Variants in LINGO2 observed in about 807,000 individuals in gnomAD.
LINGO2 encodes the protein leucine rich repeat and Ig domain containing 2, also known as leucine-rich repeat and immunoglobulin-like domain-containing nogo receptor-interacting protein 2.
Under a neutral mutation model 30.6 loss-of-function variants are expected in LINGO2, and 14 were observed. The ratio of observed to expected loss-of-function variants is 0.46; its 90% CI spans 0.30 to 0.72. LINGO2 has a LOEUF of 0.72. LINGO2 is among the 30% of genes least tolerant of loss of function. The pLI is 0.07. For missense variants in LINGO2, 729 were observed against 751.7 expected (o/e 0.97, Z 0.35); for synonymous variants, 317 against 288.5 (o/e 1.10, Z -1.00).
At chr9:28,746,198 A>G in the LINGO2 span, among the ~76,000 whole-genome samples, 1 of 152,024 alleles carries the variant, frequency 6.6e-6, no homozygotes, top group Non-Finnish European at 1.5e-5. Flanking sequence ...CATCTCTTCA[A>G]TAATCATGCT....
intron 4 of LINGO2, among the ~76,000 whole-genome samples, chr9:28,171,465 C>A (rs1828579495): frequency 6.6e-6 from 1 of 152,092 alleles, no homozygotes. Flanking sequence ...ACTAAAACCC[C>A]ATCAAACTGG....
the LINGO2 span, among the ~76,000 whole-genome samples, chr9:28,862,339 G>T: frequency 0.045 from 6,699 of 149,378 alleles, 478 homozygotes; most frequent in African/African-American, 0.15. Context: ...TTGTATCATA[G>T]TTCAAATTAA....
chr9:29,167,213 C>T, the LINGO2 span, among the ~76,000 whole-genome samples: 1 of 152,044 alleles, frequency 6.6e-6, no homozygotes. Flanking sequence ...ATCAGTATGT[C>T]TACTGAATAA....
At chr9:28,022,638 ACT>A (rs57995306) in intron 4 of LINGO2, among the ~76,000 whole-genome samples, 3,056 of 151,366 alleles carry the variant, frequency 0.02, 96 homozygotes, top group African/African-American at 0.069. Context: ...TGCTTGCATA[ACT>A]CTCTTCTTTT....
chr9:27,962,313 C>A (rs898206330), intron 5 of LINGO2, among the ~76,000 whole-genome samples: 1 of 151,744 alleles, frequency 6.6e-6, no homozygotes, highest in African/African-American at 2.4e-5. Context: ...TGATTTATTT[C>A]AATAGTGGTT....
chr9:27,950,163 T>C (rs1240371397), exon 6 of LINGO2: 1 of 1,614,082 alleles, frequency 6.2e-7, no homozygotes, highest in Non-Finnish European at 8.5e-7. Context: ...GAATGCCCTG[T>C]GTGATATATA....
the LINGO2 span, among the ~76,000 whole-genome samples, chr9:28,878,213 T>A: frequency 1.3e-5 from 2 of 152,062 alleles, no homozygotes; most frequent in Admixed American, 1.3e-4. Context: ...CAAACACCTC[T>A]ATGCAAATAA....
intron 2 of LINGO2, among the ~76,000 whole-genome samples, chr9:28,456,270 A>AG (rs1362878738): frequency 6.6e-6 from 1 of 152,194 alleles, no homozygotes; most frequent in African/African-American, 2.4e-5. Flanking sequence ...ATTCAACACA[A>AG]GGCAACTACA....
At chr9:28,062,547 AT>A (rs1361819343) in intron 4 of LINGO2, among the ~76,000 whole-genome samples, 1 of 143,780 alleles carries the variant, frequency 7.0e-6, no homozygotes, top group African/African-American at 2.6e-5. Flanking sequence ...TATACTATAT[AT>A]TGTATATACA....
chr9:28,754,281 A>G, the LINGO2 span, among the ~76,000 whole-genome samples: 1 of 152,060 alleles, frequency 6.6e-6, no homozygotes, highest in African/African-American at 2.4e-5. Context: ...GTTCATCTGG[A>G]TAAATATCTT....
chr9:29,001,004 A>C, the LINGO2 span, among the ~76,000 whole-genome samples: 1 of 151,994 alleles, frequency 6.6e-6, no homozygotes, highest in South Asian at 2.1e-4. Context: ...TGGATAGAGC[A>C]GATCATACAC....
rs1197927884 is a variant in LINGO2, at chr9:28,172,016, C to CAAAAA, written c.-87+123187_-87+123191dup. ...CTGGTGACAGAGCAAGACTCCGTCT[C>CAAAAA]AAAAAAAAAAAAAAAAACAAAAAAA... is the stretch of plus-strand genomic sequence containing the variant. On this transcript the variant is annotated intron_variant, in intron 4 of 5. Transcript: ENST00000379992. Among the ~76,000 whole-genome samples the CAAAAA allele has an allele frequency of 5.7e-3, 252 of 43,974 alleles. 20 individuals are homozygous for CAAAAA. Among genetic ancestry groups the CAAAAA allele is most frequent in the East Asian group, 0.018 (23 of 1,266 alleles). The allele number at this position is 43,974 out of a possible 152,430, so 28.8% of individuals were successfully genotyped here.
At chr9:28,655,293 G>T (rs1007651755) in intron 1 of LINGO2, among the ~76,000 whole-genome samples, 7 of 151,850 alleles carry the variant, frequency 4.6e-5, no homozygotes, top group African/African-American at 1.7e-4. Flanking sequence ...CTTAGTTTAG[G>T]CCAGTTTCTC....
chr9:28,368,522 CT>C (rs1315323120), intron 3 of LINGO2, among the ~76,000 whole-genome samples: 1 of 151,640 alleles, frequency 6.6e-6, no homozygotes, highest in South Asian at 2.1e-4. Flanking sequence ...ATTTAATTAT[CT>C]TATTTTTTGT....
chr9:28,003,398 GAGTT>G (rs1480402772), intron 5 of LINGO2, among the ~76,000 whole-genome samples: 2 of 151,204 alleles, frequency 1.3e-5, no homozygotes, highest in African/African-American at 2.4e-5. Context: ...GAGAGAGAGA[GAGTT>G]AGAGAGTTCA....
At chr9:28,383,901 C>A (rs1404625831) in intron 2 of LINGO2, among the ~76,000 whole-genome samples, 1 of 151,704 alleles carries the variant, frequency 6.6e-6, no homozygotes, top group Non-Finnish European at 1.5e-5. Flanking sequence ...GCATAGAATC[C>A]CTGTGTTAAA....
At chr9:28,217,825 C>T (rs955240203) in intron 4 of LINGO2, among the ~76,000 whole-genome samples, 6 of 151,756 alleles carry the variant, frequency 4.0e-5, no homozygotes, top group African/African-American at 1.5e-4. Context: ...GATCAACAAC[C>T]GCAAACATAA....
intron 4 of LINGO2, among the ~76,000 whole-genome samples, chr9:28,029,114 A>G (rs1004883053): frequency 1.3e-5 from 2 of 152,200 alleles, no homozygotes; most frequent in Non-Finnish European, 2.9e-5. Context: ...CTATGAAGAA[A>G]TCTGCTCAAT....
chr9:28,640,120 C>A (rs901171018), intron 1 of LINGO2, among the ~76,000 whole-genome samples: 7 of 151,486 alleles, frequency 4.6e-5, no homozygotes, highest in Admixed American at 6.6e-5. Context: ...GTTGAAAATT[C>A]TTTTCTTTAA....
Sources: allele counts gnomAD v4.1 joint callset (sites outside exome capture counted in the v4.1 genomes callset), GRCh38; gene constraint gnomAD v4.1.1; transcripts MANE v1.5; gene names NCBI Gene and HGNC (gene_info 2026-07-23, HGNC 2026-07-21).